The following ADCY8 variants were observed in gnomAD, a reference collection of about 807,000 sequenced individuals.
The protein encoded by ADCY8 is adenylate cyclase 8, also known as adenylate cyclase type 8.
Under a neutral mutation model 119.7 loss-of-function variants are expected in ADCY8, and 51 were observed. That is an observed-to-expected ratio of 0.43 (90% CI 0.34 to 0.54). The LOEUF (loss-of-function observed/expected upper bound fraction) is 0.54. Ranked by LOEUF, ADCY8 falls within the 20% of genes least tolerant of loss-of-function variation. The pLI is 0.03. For missense variants in ADCY8, 1,383 were observed against 1,598.8 expected, an observed-to-expected ratio of 0.87 and a Z score of 2.30; for synonymous variants, 665 against 651.0, an observed-to-expected ratio of 1.02 and a Z score of -0.33.
intron 11 of ADCY8, among the ~76,000 whole-genome samples, chr8:130,844,924 G>A (rs954831994): frequency 6.6e-6 from 1 of 152,118 alleles, no homozygotes; most frequent in African/African-American, 2.4e-5. Flanking sequence ...CAGTGGTTCG[G>A]GTATGTACAG....
intron 9 of ADCY8, among the ~76,000 whole-genome samples, chr8:130,858,236 G>T (rs1457018887): frequency 6.6e-6 from 1 of 152,176 alleles, no homozygotes; most frequent in African/African-American, 2.4e-5. Flanking sequence ...GTATGCTCAT[G>T]GATGCTGAGT....
intron 4 of ADCY8, among the ~76,000 whole-genome samples, 180 bp from the exon 5 acceptor site, chr8:130,937,380 G>A (rs758205688): frequency 1.2e-4 from 18 of 152,266 alleles, no homozygotes; most frequent in Middle Eastern, 3.4e-3. Context: ...CTAAATGGGG[G>A]TTTGAAGGAC....
intron 12 of ADCY8, among the ~76,000 whole-genome samples, chr8:130,825,598 C>T (rs1045421751): frequency 6.6e-6 from 1 of 152,112 alleles, no homozygotes; most frequent in African/African-American, 2.4e-5. Context: ...GGAAAAGTTC[C>T]TGTTTTAAGG....
intron 2 of ADCY8, among the ~76,000 whole-genome samples, chr8:130,969,787 A>T (rs1014876460): frequency 5.9e-5 from 9 of 152,126 alleles, no homozygotes; most frequent in Non-Finnish European, 4.4e-5. Context: ...CTTATGCATC[A>T]TCTCCGCCCC....
chr8:130,973,070 C>T (rs192849637), intron 2 of ADCY8, among the ~76,000 whole-genome samples: 16 of 152,292 alleles, frequency 1.1e-4, no homozygotes, highest in Admixed American at 3.9e-4. Context: ...CATTTACTTT[C>T]ATCCCTTGCC....
intron 15 of ADCY8, 95 bp downstream of exon 15, chr8:130,800,331 C>CAAAA (rs3067432): frequency 0.019 from 25,334 of 1,344,928 alleles, 46 homozygotes; most frequent in South Asian, 0.024. Flanking sequence ...CCGTTAAGTG[C>CAAAA]AAAAAAAAAA....
chr8:130,928,086 T>A (rs545932282), intron 5 of ADCY8, among the ~76,000 whole-genome samples: 1 of 151,106 alleles, frequency 6.6e-6, no homozygotes, highest in South Asian at 2.1e-4. Context: ...TTGGGGGAGG[T>A]CAATTTGAAG....
intron 13 of ADCY8, 127 bp from the exon 14 acceptor site, chr8:130,814,354 G>T: frequency 4.0e-6 from 4 of 1,006,292 alleles, no homozygotes; most frequent in Non-Finnish European, 4.2e-6. Flanking sequence ...AGCCTGATCT[G>T]AATATTTTGG....
At chr8:130,944,344 AC>A (rs916521862) in intron 3 of ADCY8, among the ~76,000 whole-genome samples, 2 of 152,204 alleles carry the variant, frequency 1.3e-5, no homozygotes, top group African/African-American at 4.8e-5. Context: ...AGGACACAAA[AC>A]AGGATACCAT....
At chr8:130,920,710 C>A (rs770461493) in intron 5 of ADCY8, among the ~76,000 whole-genome samples, 3 of 152,148 alleles carry the variant, frequency 2.0e-5, no homozygotes, top group Non-Finnish European at 2.9e-5. Flanking sequence ...GGTCAAACAC[C>A]AGGCTAGATG....
intron 12 of ADCY8, among the ~76,000 whole-genome samples, chr8:130,828,811 C>G (rs946739105): frequency 6.6e-5 from 10 of 152,130 alleles, no homozygotes; most frequent in African/African-American, 2.4e-4. Flanking sequence ...ATGGTACTTA[C>G]TTAGTAAGGG....
chr8:130,971,820 T>C (rs1291804336), intron 2 of ADCY8, among the ~76,000 whole-genome samples: 1 of 152,210 alleles, frequency 6.6e-6, no homozygotes, highest in Non-Finnish European at 1.5e-5. Context: ...ACAAAGATGA[T>C]GTATTCATGG....
intron 15 of ADCY8, among the ~76,000 whole-genome samples, chr8:130,788,700 A>G (rs985496321): frequency 6.6e-6 from 1 of 152,198 alleles, no homozygotes; most frequent in African/African-American, 2.4e-5. Flanking sequence ...TGTTTTGATC[A>G]TTACATATTA....
At chr8:131,028,793 A>G (rs1330134867) in intron 1 of ADCY8, among the ~76,000 whole-genome samples, 3 of 152,160 alleles carry the variant, frequency 2.0e-5, no homozygotes, top group Non-Finnish European at 4.4e-5. Flanking sequence ...GCTTTGTCCG[A>G]TATCTTCCCC....
intron 2 of ADCY8, among the ~76,000 whole-genome samples, chr8:130,954,111 A>G (rs572819502): frequency 6.6e-6 from 1 of 152,338 alleles, no homozygotes; most frequent in South Asian, 2.1e-4. Context: ...GTAATACACA[A>G]TCCACACACA....
In ADCY8 at chr8:130,780,464, G is replaced by A. The variant is rs981604557; in HGVS notation, c.3682C>T (p.Arg1228Trp). 43 of 1,613,502 alleles carry A rather than the reference G, an allele frequency of 2.7e-5. No individual in the cohort carries two copies. The highest frequency in any genetic ancestry group is 8.8e-5 in the South Asian group (8 of 91,050). Residue 1228 changes from arginine to tryptophan, a missense_variant, in exon 18 of 18, where the codon CGG becomes TGG. Arg to Trp is a moderately radical substitution (Grantham distance 101). Transcript: ENST00000286355. ...TGIIKGHYNR[R>W]TLLSPSGTEP... ...GTGCCGCTGGGTGACAACAAAGTCC[G>A]CCGGTTGTAATGACCCTTGATGATT...
chr8:130,927,318 T>C (rs1207448692), intron 5 of ADCY8, among the ~76,000 whole-genome samples: 2 of 152,156 alleles, frequency 1.3e-5, no homozygotes, highest in African/African-American at 4.8e-5. Flanking sequence ...TCATTGTGGT[T>C]TTTATTTGCA....
intron 9 of ADCY8, among the ~76,000 whole-genome samples, chr8:130,857,044 A>G (rs1428095322): frequency 6.9e-6 from 1 of 145,356 alleles, no homozygotes; most frequent in Admixed American, 6.9e-5. Flanking sequence ...ATGACCATCA[A>G]TTCCTGAAAT....
intron 2 of ADCY8, among the ~76,000 whole-genome samples, chr8:130,981,497 T>C (rs1207777691): frequency 6.6e-6 from 1 of 152,238 alleles, no homozygotes. Flanking sequence ...TCAATTTCTT[T>C]AGTCAAAATT....
Sources: allele counts gnomAD v4.1 joint callset (sites outside exome capture counted in the v4.1 genomes callset), GRCh38; gene constraint gnomAD v4.1.1; transcripts MANE v1.5; gene names NCBI Gene and HGNC (gene_info 2026-07-23, HGNC 2026-07-21).